The following SPATA22 variants were observed in gnomAD, a reference collection of about 807,000 sequenced individuals.
SPATA22 encodes the protein spermatogenesis associated 22, also known as spermatogenesis-associated protein 22.
Under a neutral mutation model 47.8 loss-of-function variants are expected in SPATA22, and 29 were observed. That is an observed-to-expected ratio of 0.61 (90% CI 0.45 to 0.83). The LOEUF (loss-of-function observed/expected upper bound fraction) is 0.83, where lower values mean the gene tolerates loss of function less well. Ranked by LOEUF, SPATA22 falls within the 40% of genes least tolerant of loss-of-function variation. The pLI is 0.00. For synonymous variants in SPATA22, 133 were observed against 140.9 expected, an observed-to-expected ratio of 0.94 and a Z score of 0.40; for missense variants, 410 against 421.7, an observed-to-expected ratio of 0.97 and a Z score of 0.24.
chr17:3,452,524 G>A (rs1211369814), intron 5 of SPATA22, among the ~76,000 whole-genome samples: 1 of 152,028 alleles, frequency 6.6e-6, no homozygotes, highest in Admixed American at 6.5e-5. Flanking sequence ...CCCGAGAGTG[G>A]AGGTTGCAGT....
chr17:3,462,710 G>C lies in SPATA22; in HGVS notation c.230C>G (p.Thr77Ser), dbSNP rs754726172. ...TGGTTTATATTTCTCCACATACCCG[G>C]TGTCCACTGTTTTCATTACAGGAGC... is the stretch of plus-strand genomic sequence containing the variant. ...ELAPVMKTVD[T>S]GQIPHSVSRP... Residue 77 changes from threonine to serine, a missense_variant, in exon 4 of 9, where the codon ACC (threonine) becomes AGC (serine). Transcript: ENST00000572969. 7.4e-6 allele frequency: 12 copies of C among 1,611,758 alleles called. No individual in the cohort carries two copies. In the South Asian group the frequency reaches 1.3e-4, roughly 18 times the overall value.
chr17:3,484,952 A>G lies in SPATA22; in HGVS notation c.-73-15554T>C, dbSNP rs2073694124. 1.3e-5 allele frequency among the ~76,000 whole-genome samples: 2 copies of G among 152,178 alleles called. 1 individual carries two copies. The highest frequency in any genetic ancestry group is 2.9e-5 in the Non-Finnish European group (2 of 68,042). On this transcript the variant is annotated intron_variant, in intron 1 of 8. Coordinates refer to the SPATA22 transcript ENST00000541913. ...CAGGCTGATAATGTATGCTTACTAA[A>G]TATTAGCTCAAATTACCAGTAAGTA... is the stretch of plus-strand genomic sequence containing the variant.
intron 5 of SPATA22, among the ~76,000 whole-genome samples, chr17:3,455,144 GT>G (rs797011897): frequency 4.0e-5 from 6 of 150,578 alleles, no homozygotes; most frequent in Non-Finnish European, 7.4e-5. Flanking sequence ...TTTTGATGGG[GT>G]TTTTTTTTCT....
chr17:3,450,417 G>A (rs1011214911), intron 5 of SPATA22, among the ~76,000 whole-genome samples: 2 of 152,202 alleles, frequency 1.3e-5, no homozygotes, highest in East Asian at 3.9e-4. Context: ...CAAACATCAC[G>A]ATACCCAGAA....
At chr17:3,493,560 C>CAA (rs746229421) in intron 1 of SPATA22, among the ~76,000 whole-genome samples, 4,535 of 53,088 alleles carry the variant, frequency 0.085, 440 homozygotes, top group African/African-American at 0.23. Flanking sequence ...GGTTCCATCT[C>CAA]AAAAAAAAAA....
chr17:3,476,038 A>T (rs1449716615), upstream of SPATA22: 5 of 887,450 alleles, frequency 5.6e-6, no homozygotes, highest in Admixed American at 8.5e-5. Flanking sequence ...CACTCAAGGG[A>T]ATTCTGTACT....
intron 1 of SPATA22, chr17:3,502,730 C>T (rs1207680950): frequency 1.3e-5 from 2 of 152,400 alleles, no homozygotes; most frequent in Non-Finnish European, 2.9e-5. Flanking sequence ...CTTCAGACAC[C>T]TCACGCACCC....
At chr17:3,468,285 C>T (rs536628124) in intron 2 of SPATA22, 1 of 152,166 alleles carries the variant, frequency 6.6e-6, no homozygotes, top group South Asian at 2.1e-4. Flanking sequence ...TTAGGGAACT[C>T]GAAGGGAAAA....
rs4790505 is a variant in SPATA22 at position 3,511,802 on chromosome 17, C to T, written c.-74+1610G>A. Reference sequence around the variant, plus strand: ...ATCCGAGTCAAAGCAACTCTGGATACGGCTTTATCCATAACAGATACGGCT... The same window carrying T: ...ATCCGAGTCAAAGCAACTCTGGATATGGCTTTATCCATAACAGATACGGCT... On this transcript the variant is annotated intron_variant, in intron 1 of 8. Transcript: ENST00000541913. 144,155 of 152,296 alleles carry T rather than the reference C, an allele frequency of 0.95. 68,715 individuals are homozygous for T. The highest frequency in any genetic ancestry group is 1 in the East Asian group (5,182 of 5,182). The allele number at this position is 152,296 out of a possible 1,614,324, so 9.4% of individuals were successfully genotyped here. A position where few individuals can be genotyped will look rare whatever the true frequency, so the allele number is the denominator to read the frequency against.
At chr17:3,484,742 C>A (rs561782157) in intron 1 of SPATA22, among the ~76,000 whole-genome samples, 3 of 152,326 alleles carry the variant, frequency 2.0e-5, no homozygotes, top group Admixed American at 2.0e-4. Context: ...ACTTTAATTT[C>A]TGTACATATC....
At position 3,490,333 on chromosome 17, in the gene SPATA22, T is replaced by C. The variant is rs2073803060; in HGVS notation, c.-73-20935A>G. On this transcript the variant is annotated intron_variant, in intron 1 of 8. Coordinates refer to the SPATA22 transcript ENST00000541913. This position sits in a 1 kb window ranked among gnomAD's most constrained non-coding sequence, Gnocchi z 4.6. ...TATCTGCTCATTTATTTGGTAAATCTAAAACTGCACTAAAAAGTCTATTAG... is the reference window on the plus strand; with the variant it reads ...TATCTGCTCATTTATTTGGTAAATCCAAAACTGCACTAAAAAGTCTATTAG... Among the ~76,000 whole-genome samples, 1 of 152,242 alleles carries C rather than the reference T, an allele frequency of 6.6e-6. No homozygotes were observed. The highest frequency in any genetic ancestry group is 1.5e-5 in the Non-Finnish European group (1 of 68,048).
At chr17:3,459,534 T>C (rs544005984) in intron 5 of SPATA22, among the ~76,000 whole-genome samples, 130 of 152,304 alleles carry the variant, frequency 8.5e-4, no homozygotes, top group Non-Finnish European at 1.5e-3. Context: ...GCCTCCCAAG[T>C]AGCTGGGATT....
intron 3 of SPATA22, among the ~76,000 whole-genome samples, chr17:3,465,789 T>TAAA (rs372510663): frequency 0.33 from 34,409 of 105,700 alleles, 4,304 homozygotes; most frequent in Admixed American, 0.42. Flanking sequence ...AAATAAAAAT[T>TAAA]TAAAAAACAA....
chr17:3,489,849 G>A (rs879482923), intron 1 of SPATA22, among the ~76,000 whole-genome samples: 2 of 152,100 alleles, frequency 1.3e-5, no homozygotes, highest in Non-Finnish European at 2.9e-5. Context: ...ATTACCCAGC[G>A]ATTCCACATC....
intron 2 of SPATA22, 59 bp downstream of exon 2, chr17:3,469,224 A>ATTGG: frequency 1.3e-6 from 1 of 774,308 alleles, no homozygotes; most frequent in Non-Finnish European, 2.1e-6. Context: ...TTATATCTAT[A>ATTGG]AACTATACAA....
At chr17:3,507,593 T>G (rs1325770439) in intron 1 of SPATA22, among the ~76,000 whole-genome samples, 1 of 152,236 alleles carries the variant, frequency 6.6e-6, no homozygotes, top group African/African-American at 2.4e-5. Flanking sequence ...CTAGACTAAC[T>G]AAACTTCAGA....
At position 3,488,705 on chromosome 17, in the gene SPATA22, G is replaced by A. The variant is rs1208550321; in HGVS notation, c.-73-19307C>T. 6.6e-6 allele frequency among the ~76,000 whole-genome samples: 1 copy of A among 152,114 alleles called. No homozygotes were observed. The highest frequency in any genetic ancestry group is 1.5e-5 in the Non-Finnish European group (1 of 68,008). ...ACCATTGCACTATTGTGTTAGGATG[G>A]ATTGCTAGGTTAAGGGCAAAATCAT... is the stretch of plus-strand genomic sequence containing the variant. On this transcript the variant is annotated intron_variant, in intron 1 of 8. Coordinates refer to the SPATA22 transcript ENST00000541913. This position sits in a 1 kb window ranked among gnomAD's most constrained non-coding sequence, Gnocchi z 6.1.
rs576025749 is a variant in SPATA22 at position 3,469,143 on chromosome 17, T to G, written c.43+140A>C. 11 of 465,338 alleles carry G rather than the reference T, an allele frequency of 2.4e-5. No individual in the cohort carries two copies. In the South Asian group the frequency reaches 6.2e-4, roughly 26 times the overall value. 28.8% of individuals were successfully genotyped at this position (465,338 alleles called of 1,614,324 possible). A position where few individuals can be genotyped will look rare whatever the true frequency, so the allele number is the denominator to read the frequency against. On this transcript the variant is annotated intron_variant, in intron 2 of 8. Coordinates refer to ENST00000572969, the MANE Select transcript of SPATA22 (RefSeq NM_001170698.2). ...AATGTTTTGTCTTGAGTAAGTTATT[T>G]TACTTCCTTGGACCTAAAAAGTAAA... is the stretch of plus-strand genomic sequence containing the variant.
intron 7 of SPATA22, 90 bp from the exon 8 acceptor site, chr17:3,443,361 C>CAT (rs1884271361): frequency 2.4e-6 from 2 of 823,852 alleles, no homozygotes; most frequent in African/African-American, 1.8e-5. Context: ...AATAACTATC[C>CAT]ATATCAACCT....
Sources: gnomAD v4.1 joint callset for allele counts (sites outside exome capture counted in the v4.1 genomes callset) on GRCh38, gnomAD v4.1.1 for gene constraint, Gnocchi (gnomAD v3.1) non-coding constraint, MANE v1.5 for transcripts, NCBI Gene and HGNC (gene_info 2026-07-23, HGNC 2026-07-21) for gene names.